The following ROBO2 variants were observed in gnomAD, a reference collection of about 807,000 sequenced individuals.
The protein encoded by ROBO2 is roundabout homolog 2.
ROBO2 carries 53 observed loss-of-function variants against 160.8 expected under a neutral mutation model. The ratio of observed to expected loss-of-function variants is 0.33; its 90% CI spans 0.26 to 0.41. The LOEUF is 0.41. Ranked by LOEUF, ROBO2 falls within the 10% of genes least tolerant of loss-of-function variation. ROBO2 has a pLI of 1.00. For synonymous variants in ROBO2, 664 were observed against 611.7 expected, an observed-to-expected ratio of 1.09 and a Z score of -1.26; for missense variants, 1,577 against 1,722.4, an observed-to-expected ratio of 0.92 and a Z score of 1.49.
chr3:76,101,865 A>T (rs1330110485), intron 2 of ROBO2, among the ~76,000 whole-genome samples: 1 of 144,640 alleles, frequency 6.9e-6, no homozygotes, highest in Non-Finnish European at 1.5e-5. Flanking sequence ...ATGTTTTCCC[A>T]TTGTACCCCA....
At chr3:76,112,729 T>C (rs1485289079) in intron 2 of ROBO2, among the ~76,000 whole-genome samples, 1 of 152,090 alleles carries the variant, frequency 6.6e-6, no homozygotes, top group East Asian at 1.9e-4. Flanking sequence ...TCAAATGATT[T>C]TTAAATATAA....
intron 2 of ROBO2, among the ~76,000 whole-genome samples, chr3:76,678,657 A>G (rs1427460903): frequency 2.0e-5 from 3 of 152,174 alleles, no homozygotes; most frequent in South Asian, 2.1e-4. Context: ...GATGAATGTT[A>G]TAAGTATTTA....
At chr3:77,579,123 A>G (rs2093845564) in intron 15 of ROBO2, among the ~76,000 whole-genome samples, 1 of 152,180 alleles carries the variant, frequency 6.6e-6, no homozygotes, top group African/African-American at 2.4e-5. Flanking sequence ...GTCTACATGT[A>G]GATTTTTAAA....
chr3:77,440,965 C>T (rs1226809610), intron 2 of ROBO2, among the ~76,000 whole-genome samples: 2 of 152,082 alleles, frequency 1.3e-5, no homozygotes, highest in Admixed American at 6.6e-5. Flanking sequence ...TCCCCATTTT[C>T]TCTTTTCTTG....
At chr3:76,456,584 A>G (rs777453040) in intron 2 of ROBO2, among the ~76,000 whole-genome samples, 1 of 152,206 alleles carries the variant, frequency 6.6e-6, no homozygotes, top group Non-Finnish European at 1.5e-5. Context: ...CAGTTGGCAT[A>G]TGAATCACAT....
At chr3:76,928,161 G>GA (rs778257733) in intron 2 of ROBO2, among the ~76,000 whole-genome samples, 1 of 152,070 alleles carries the variant, frequency 6.6e-6, no homozygotes, top group East Asian at 1.9e-4. Context: ...GATGACAATG[G>GA]AAAAAGACTG....
At chr3:76,867,112 T>G (rs972638903) in intron 2 of ROBO2, among the ~76,000 whole-genome samples, 5 of 152,144 alleles carry the variant, frequency 3.3e-5, no homozygotes, top group Non-Finnish European at 5.9e-5. Context: ...TTATTAAGTG[T>G]TTACATGTTG....
chr3:76,972,372 A>G (rs1159886561), intron 2 of ROBO2, among the ~76,000 whole-genome samples: 3 of 151,928 alleles, frequency 2.0e-5, no homozygotes, highest in East Asian at 1.9e-4. Flanking sequence ...AATTTCTTCA[A>G]TAACCTGGAA....
chr3:77,166,009 T>C (rs1235661388), intron 2 of ROBO2, among the ~76,000 whole-genome samples: 1 of 152,174 alleles, frequency 6.6e-6, no homozygotes, highest in Admixed American at 6.5e-5. Context: ...CATTTGAGTG[T>C]GTTATTTGCA....
At chr3:77,345,247 GT>G (rs2067504552) in intron 2 of ROBO2, among the ~76,000 whole-genome samples, 1 of 152,128 alleles carries the variant, frequency 6.6e-6, no homozygotes, top group East Asian at 1.9e-4. Context: ...TCCCTGCTGG[GT>G]GTCCCCACAG....
rs1325507347 is a variant in ROBO2, at chr3:77,433,486, G to GTACATATATATATATATATATATATATA, written c.389-43926_389-43925insCATATATATATATATATATATATATATA. Among the ~76,000 whole-genome samples the GTACATATATATATATATATATATATATA allele has an allele frequency of 5.0e-3, 497 of 99,326 alleles. 46 individuals carry two copies. The highest frequency in any genetic ancestry group is 0.012 in the Middle Eastern group (2 of 164). The allele number at this position is 99,326 out of a possible 152,430, so 65.2% of individuals were successfully genotyped here. On this transcript the variant is annotated intron_variant, in intron 2 of 25. Coordinates refer to ENST00000461745, the Ensembl canonical transcript of ROBO2. ...GATTTTCCTTCTTCTCTGGCAACTT[G>GTACATATATATATATATATATATATATA]TATATATATATATATATATATATAT...
chr3:76,227,218 G>T (rs1255569504), intron 2 of ROBO2, among the ~76,000 whole-genome samples: 8 of 152,172 alleles, frequency 5.3e-5, no homozygotes, highest in African/African-American at 1.4e-4. Flanking sequence ...CCTTGATTCT[G>T]CCAGCACATT....
intron 2 of ROBO2, among the ~76,000 whole-genome samples, chr3:77,333,445 A>C (rs867568770): frequency 1.3e-5 from 2 of 152,230 alleles, no homozygotes; most frequent in Non-Finnish European, 2.9e-5. Flanking sequence ...AGAAGCTTTT[A>C]AGTGAAAAGA....
chr3:76,428,293 C>G (rs772970501), intron 2 of ROBO2, among the ~76,000 whole-genome samples: 1 of 151,986 alleles, frequency 6.6e-6, no homozygotes, highest in African/African-American at 2.4e-5. Context: ...ATTGTTTAAC[C>G]CTGTGGATAC....
chr3:75,996,034 G>C (rs2065717610), intron 2 of ROBO2, among the ~76,000 whole-genome samples: 1 of 152,168 alleles, frequency 6.6e-6, no homozygotes, highest in African/African-American at 2.4e-5. Context: ...AGGTGGAAGG[G>C]AACTGCCTTG....
chr3:77,365,854 A>G (rs1480461115), intron 2 of ROBO2, among the ~76,000 whole-genome samples: 1 of 151,190 alleles, frequency 6.6e-6, no homozygotes, highest in African/African-American at 2.4e-5. Flanking sequence ...TAGGCAAAAT[A>G]TTACATGGTG....
intron 2 of ROBO2, among the ~76,000 whole-genome samples, chr3:76,629,498 A>C (rs1380449327): frequency 2.0e-5 from 3 of 152,176 alleles, no homozygotes; most frequent in Admixed American, 6.5e-5. Flanking sequence ...AGCATCCTGC[A>C]TGCAGAAAGA....
At chr3:77,333,316 C>G (rs138793351) in intron 2 of ROBO2, among the ~76,000 whole-genome samples, 57 of 152,304 alleles carry the variant, frequency 3.7e-4, no homozygotes, top group African/African-American at 1.3e-3. Context: ...TCAGACATTA[C>G]TTTCACCATA....
chr3:76,436,183 A>ACACACACACACACACACACACACACCC (rs2076673022), intron 2 of ROBO2, among the ~76,000 whole-genome samples: 1 of 28,508 alleles, frequency 3.5e-5, no homozygotes, highest in Non-Finnish European at 6.3e-5. Flanking sequence ...CACACACACC[A>ACACACACACACACACACACACACACCC]TTTCTTTTTC....
Sources: allele counts gnomAD v4.1 joint callset (sites outside exome capture counted in the v4.1 genomes callset), GRCh38; gene constraint gnomAD v4.1.1; transcripts MANE v1.5; gene names NCBI Gene and HGNC (gene_info 2026-07-23, HGNC 2026-07-21).